Variants in CMTM7 observed in about 807,000 individuals in gnomAD.
CMTM7 encodes the protein CKLF like MARVEL transmembrane domain containing 7.
In CMTM7, 7 loss-of-function variants were observed where a neutral mutation model predicts 19.3. That is an observed-to-expected ratio of 0.36 (90% confidence interval 0.21 to 0.68). The LOEUF is 0.68. Ranked by LOEUF, CMTM7 falls within the 30% of genes least tolerant of loss-of-function variation. The probability of loss-of-function intolerance (pLI) is 0.60; values close to 1 mark genes in which losing one functional copy is unlikely to be tolerated. For synonymous variants in CMTM7, 87 were observed against 99.3 expected, an observed-to-expected ratio of 0.88 and a Z score of 0.74; for missense variants, 193 against 232.6, an observed-to-expected ratio of 0.83 and a Z score of 1.11.
At chr3:32,447,945 T>C (rs1696776103) in intron 2 of CMTM7, among the ~76,000 whole-genome samples, 1 of 152,232 alleles carries the variant, frequency 6.6e-6, no homozygotes, top group South Asian at 2.1e-4. Context: ...TTGAGAGAAA[T>C]TTCTTTTGTG....
At chr3:32,446,558 T>C (rs1447040738) in intron 2 of CMTM7, among the ~76,000 whole-genome samples, 5 of 152,164 alleles carry the variant, frequency 3.3e-5, no homozygotes, top group Non-Finnish European at 5.9e-5. Context: ...CTTTTCCTAG[T>C]GTCTTAATGT....
chr3:32,402,359 G>A (rs1239722680), intron 1 of CMTM7, among the ~76,000 whole-genome samples: 3 of 151,966 alleles, frequency 2.0e-5, no homozygotes, highest in Admixed American at 2.0e-4. Context: ...TGATCCACCC[G>A]CCTTGGCCTC....
chr3:32,452,085 C>T (rs1696840803), intron 3 of CMTM7: 1 of 1,403,772 alleles, frequency 7.1e-7, no homozygotes, highest in Non-Finnish European at 9.4e-7. Context: ...AGTCCATTGG[C>T]TTAGCCCCAG....
At chr3:32,433,833 C>T (rs941875803) in intron 1 of CMTM7, among the ~76,000 whole-genome samples, 2 of 152,092 alleles carry the variant, frequency 1.3e-5, no homozygotes, top group African/African-American at 2.4e-5. Flanking sequence ...TTAATACAAT[C>T]GATTGACTGA....
intron 1 of CMTM7, among the ~76,000 whole-genome samples, chr3:32,410,107 G>T (rs888219423): frequency 6.6e-5 from 10 of 152,160 alleles, no homozygotes; most frequent in African/African-American, 2.2e-4. Flanking sequence ...TGCCTTAGGA[G>T]GGCCTTCGTC....
chr3:32,422,834 A>G (rs1001554526), intron 1 of CMTM7, among the ~76,000 whole-genome samples: 7 of 152,234 alleles, frequency 4.6e-5, no homozygotes, highest in Admixed American at 1.3e-4. Flanking sequence ...GAACACTTAC[A>G]TTAGCCTACA....
chr3:32,417,138 G>C (rs1006863020), intron 1 of CMTM7, among the ~76,000 whole-genome samples: 1 of 152,170 alleles, frequency 6.6e-6, no homozygotes, highest in Non-Finnish European at 1.5e-5. Flanking sequence ...TGTGGGTTTT[G>C]ACAAATGCAT....
rs191103764 is a variant in CMTM7 at position 32,412,356 on chromosome 3, G to A, written c.159+20291G>A. Among the ~76,000 whole-genome samples the A allele has an allele frequency of 7.4e-3, 1,130 of 152,028 alleles. 14 individuals carry two copies. Among genetic ancestry groups the A allele is most frequent in the African/African-American group, 0.026 (1,072 of 41,448 alleles). On this transcript the variant is annotated intron_variant, in intron 1 of 4. Coordinates refer to ENST00000334983, the MANE Select transcript of CMTM7 (RefSeq NM_138410.4). ...AAAAATATTAGCCGGGTATGGTGGCGCACGCCTCTAGTCCCAGCTACTCGG... is the reference window on the plus strand; with the variant it reads ...AAAAATATTAGCCGGGTATGGTGGCACACGCCTCTAGTCCCAGCTACTCGG...
chr3:32,392,676 C>A (rs1321694987), intron 1 of CMTM7, among the ~76,000 whole-genome samples: 1 of 152,204 alleles, frequency 6.6e-6, no homozygotes, highest in South Asian at 2.1e-4. Context: ...GCCCGGGTCT[C>A]AGGGGGCTCT....
intron 1 of CMTM7, among the ~76,000 whole-genome samples, chr3:32,439,007 T>C (rs1020926047): frequency 2.3e-4 from 35 of 152,302 alleles, no homozygotes; most frequent in South Asian, 1.0e-3. Context: ...ATAATGATAC[T>C]TGAGTTCTTG....
intron 4 of CMTM7, 94 bp from the exon 5 acceptor site, chr3:32,454,147 C>A: frequency 7.4e-7 from 1 of 1,346,226 alleles, no homozygotes; most frequent in Non-Finnish European, 1.0e-6. Flanking sequence ...ACAGGTGCCC[C>A]CCTGAGCAGA....
At chr3:32,416,361 A>ATTTTTTTTTTTTTTTTTTT (rs58085712) in intron 1 of CMTM7, among the ~76,000 whole-genome samples, 1 of 72,420 alleles carries the variant, frequency 1.4e-5, no homozygotes, top group Non-Finnish European at 2.5e-5. Context: ...ATCCGGGCTA[A>ATTTTTTTTTTTTTTTTTTT]TTTTTTTTTT....
chr3:32,395,088 T>C (rs1032553260), intron 1 of CMTM7, among the ~76,000 whole-genome samples: 1 of 151,126 alleles, frequency 6.6e-6, no homozygotes, highest in Admixed American at 6.6e-5. Flanking sequence ...TACTGCAGCC[T>C]TAACCTCCTG....
At chr3:32,416,361 A>ATTTTTCTTTTT (rs780778458) in intron 1 of CMTM7, among the ~76,000 whole-genome samples, 1 of 72,442 alleles carries the variant, frequency 1.4e-5, no homozygotes. Context: ...ATCCGGGCTA[A>ATTTTTCTTTTT]TTTTTTTTTT....
chr3:32,431,797 A>T (rs1286822945), intron 1 of CMTM7, among the ~76,000 whole-genome samples: 3 of 152,200 alleles, frequency 2.0e-5, no homozygotes, highest in African/African-American at 7.2e-5. Flanking sequence ...TAAAAAGATG[A>T]TAGTAGTACT....
At chr3:32,392,432 G>C (rs1695851244) in intron 1 of CMTM7, among the ~76,000 whole-genome samples, 1 of 152,272 alleles carries the variant, frequency 6.6e-6, no homozygotes, top group Admixed American at 6.5e-5. Flanking sequence ...TCGAACCCGA[G>C]CCGGGGGTGG....
intron 2 of CMTM7, among the ~76,000 whole-genome samples, chr3:32,446,898 C>G (rs1200265857): frequency 6.6e-6 from 1 of 152,178 alleles, no homozygotes; most frequent in Non-Finnish European, 1.5e-5. Context: ...GCTTCTTGTA[C>G]AGCCTACAGA....
chr3:32,396,464 G>T (rs966792299), intron 1 of CMTM7, among the ~76,000 whole-genome samples: 29 of 152,074 alleles, frequency 1.9e-4, no homozygotes, highest in African/African-American at 7.0e-4. Flanking sequence ...CTGAGATTGC[G>T]TGACTGTACT....
intron 1 of CMTM7, among the ~76,000 whole-genome samples, chr3:32,406,205 T>A (rs1214924899): frequency 6.6e-6 from 1 of 152,262 alleles, no homozygotes; most frequent in Non-Finnish European, 1.5e-5. Flanking sequence ...ATAGCTGCAT[T>A]GTATTCCAGA....
Sources: gnomAD v4.1 joint callset for allele counts (sites outside exome capture counted in the v4.1 genomes callset) on GRCh38, gnomAD v4.1.1 for gene constraint, MANE v1.5 for transcripts, NCBI Gene and HGNC (gene_info 2026-07-23, HGNC 2026-07-21) for gene names.